HEMK1: variants seen among roughly 807,000 people sequenced by gnomAD.
HEMK1 encodes the protein HemK methyltransferase 1, mitochondrial release factors N(5)-glutamine.
Under a neutral mutation model 47.9 loss-of-function variants are expected in HEMK1, and 36 were observed. The observed-to-expected ratio is 0.75, with a 90% CI of 0.58 to 0.99. The LOEUF (loss-of-function observed/expected upper bound fraction) is 0.99, where lower values mean the gene tolerates loss of function less well. Ranked by LOEUF, HEMK1 falls within the 50% of genes least tolerant of loss-of-function variation. HEMK1 has a pLI of 0.00. For missense variants in HEMK1, 383 were observed against 434.5 expected, an observed-to-expected ratio of 0.88 and a Z score of 1.05; for synonymous variants, 153 against 165.4, an observed-to-expected ratio of 0.93 and a Z score of 0.57.
At position 50,577,496 on chromosome 3, in the gene HEMK1, G is replaced by T. The variant is rs1330722090; in HGVS notation, c.550-13G>T. 2 of 1,613,746 alleles carry T rather than the reference G, an allele frequency of 1.2e-6. No individual in the cohort carries two copies. The highest frequency in any genetic ancestry group is 1.1e-5 in the South Asian group (1 of 91,088). On this transcript the variant is annotated splice_polypyrimidine_tract_variant and intron_variant, in intron 5 of 10. Coordinates refer to ENST00000232854, the MANE Select transcript of HEMK1 (RefSeq NM_016173.5). Reference sequence around the variant, plus strand: ...ATTGCCTTCCACATATCCTCTGTTTGTTCTTGGGACAGAGCCGAGTCATTG... The same window carrying T: ...ATTGCCTTCCACATATCCTCTGTTTTTTCTTGGGACAGAGCCGAGTCATTG...
At chr3:50,572,281 T>A in intron 4 of HEMK1, 73 bp downstream of exon 4, 1 of 1,546,706 alleles carries the variant, frequency 6.5e-7, no homozygotes. Flanking sequence ...ACCCCAGGCT[T>A]CCTCCAGGGG....
chr3:50,572,157 G>A lies in HEMK1; in HGVS notation c.363G>A (p.Gly121=), dbSNP rs1314740474. ...QYILGEWDFQ[G]LSLRMVPPVF... ...TCCTTGGAGAGTGGGACTTCCAGGGGCTCAGCCTAAGGATGGTGCCCCCAG... is the reference window on the plus strand; with the variant it reads ...TCCTTGGAGAGTGGGACTTCCAGGGACTCAGCCTAAGGATGGTGCCCCCAG... The change falls in exon 4 of 11, where the codon GGG becomes GGA. Residue 121 remains glycine (G), a synonymous_variant. Transcript: ENST00000232854. 2.5e-6 allele frequency: 4 copies of A among 1,613,976 alleles called. No homozygotes were observed. In the South Asian group the frequency reaches 4.4e-5, roughly 18 times the overall value.
intron 2 of HEMK1, 176 bp from the exon 3 acceptor site, chr3:50,571,534 C>T (rs1454455753): frequency 1.6e-5 from 11 of 706,316 alleles, no homozygotes; most frequent in Non-Finnish European, 2.7e-5. Flanking sequence ...GGGATAGACA[C>T]CTGGAAGCCT....
intron 4 of HEMK1, among the ~76,000 whole-genome samples, chr3:50,576,679 G>C (rs557318985): frequency 7.9e-5 from 12 of 152,326 alleles, no homozygotes; most frequent in African/African-American, 2.2e-4. Flanking sequence ...AAAGTGTTGG[G>C]ATTACAGGCA....
rs2031739435 is a variant in HEMK1 at position 50,591,783 on chromosome 3, A to G, written c.*11366A>G. 6.6e-6 allele frequency: 1 copy of G among 152,030 alleles called. No individual in the cohort carries two copies. The highest frequency in any genetic ancestry group is 1.5e-5 in the Non-Finnish European group (1 of 68,098). 9.4% of individuals were successfully genotyped at this position (152,030 alleles called of 1,614,324 possible). ...GCGCAGAGCCCATGTAAGCTCAAACACTGCCCCATGTCATAGAAAAGAGGG... is the reference window on the plus strand; with the variant it reads ...GCGCAGAGCCCATGTAAGCTCAAACGCTGCCCCATGTCATAGAAAAGAGGG... On this transcript the variant is annotated 3_prime_UTR_variant, in exon 11 of 11. Coordinates refer to ENST00000232854, the MANE Select transcript of HEMK1 (RefSeq NM_016173.5).
At position 50,591,987 on chromosome 3, in the gene HEMK1, G is replaced by C. The variant is rs2031748771; in HGVS notation, c.*11570G>C. 6.6e-6 allele frequency: 1 copy of C among 151,166 alleles called. No individual in the cohort carries two copies. Among genetic ancestry groups the C allele is most frequent in the Non-Finnish European group, 1.5e-5 (1 of 67,796 alleles). The allele number at this position is 151,166 out of a possible 1,614,324, so 9.4% of individuals were successfully genotyped here. On this transcript the variant is annotated 3_prime_UTR_variant, in exon 11 of 11. Coordinates refer to ENST00000232854, the MANE Select transcript of HEMK1 (RefSeq NM_016173.5). ...GTAGTGGCGGGTGCCTATAATCCCAGCTACTCAGGAGGCTGAGGCAGGAGA... is the reference window on the plus strand; with the variant it reads ...GTAGTGGCGGGTGCCTATAATCCCACCTACTCAGGAGGCTGAGGCAGGAGA...
chr3:50,572,288 G>C (rs935041525), intron 4 of HEMK1, 80 bp downstream of exon 4: 1 of 1,521,976 alleles, frequency 6.6e-7, no homozygotes, highest in Non-Finnish European at 8.9e-7. Context: ...GCTTCCTCCA[G>C]GGGGCACTGG....
intron 6 of HEMK1, 80 bp from the exon 7 acceptor site, chr3:50,577,746 G>A: frequency 2.7e-6 from 4 of 1,495,176 alleles, no homozygotes; most frequent in Non-Finnish European, 3.7e-6. Flanking sequence ...GTCCAAGAAG[G>A]GTTGACTATA....
chr3:50,575,347 T>G (rs1239249200), intron 4 of HEMK1, among the ~76,000 whole-genome samples: 2 of 151,454 alleles, frequency 1.3e-5, no homozygotes, highest in Non-Finnish European at 2.9e-5. Flanking sequence ...CGCTTGAACT[T>G]GGGAGGCGGA....
chr3:50,590,233 GAAAGA>G lies in HEMK1; in HGVS notation c.*9821_*9825del, dbSNP rs1575972960. ...AATTTTAAAAAAATGTTTTAAAAATGAAAGAAAAGGAAGAAGGGAGGAGGAAGCCA... is the reference window on the plus strand; with the variant it reads ...AATTTTAAAAAAATGTTTTAAAAATGAAAGGAAGAAGGGAGGAGGAAGCCA... On this transcript the variant is annotated 3_prime_UTR_variant, in exon 11 of 11. Coordinates refer to ENST00000232854, the MANE Select transcript of HEMK1 (RefSeq NM_016173.5). The G allele has an allele frequency of 6.6e-6, 1 of 151,828 alleles. No homozygotes were observed. Among genetic ancestry groups the G allele is most frequent in the East Asian group, 1.9e-4 (1 of 5,158 alleles). The allele number at this position is 151,828 out of a possible 1,614,324, so 9.4% of individuals were successfully genotyped here.
In HEMK1 at chr3:50,589,771, C is replaced by T. The variant is rs1158540881; in HGVS notation, c.*9354C>T. On this transcript the variant is annotated 3_prime_UTR_variant, in exon 11 of 11. Transcript: ENST00000232854. ...AATTAGCCGGGTGTGGTGGCTCACG[C>T]CTGTAATCCCAGCTACTTGAGAGGC... is the stretch of plus-strand genomic sequence containing the variant. 1 of 152,232 alleles carries T rather than the reference C, an allele frequency of 6.6e-6. No individual in the cohort carries two copies. Among genetic ancestry groups the T allele is most frequent in the African/African-American group, 2.4e-5 (1 of 41,440 alleles). The allele number at this position is 152,232 out of a possible 1,614,324, so 9.4% of individuals were successfully genotyped here. A position where few individuals can be genotyped will look rare whatever the true frequency, so the allele number is the denominator to read the frequency against.
chr3:50,589,908 A>G lies in HEMK1; in HGVS notation c.*9491A>G, dbSNP rs4688709. The G allele has an allele frequency of 0.036, 5,522 of 151,942 alleles. 730 individuals carry two copies. The highest frequency in any genetic ancestry group is 0.33 in the East Asian group (1,708 of 5,150). 9.4% of individuals were successfully genotyped at this position (151,942 alleles called of 1,614,324 possible). On this transcript the variant is annotated 3_prime_UTR_variant, in exon 11 of 11. Coordinates refer to ENST00000232854, the MANE Select transcript of HEMK1 (RefSeq NM_016173.5). ...GCAAAACTCTGTCTCAAAAATAATA[A>G]TAATAGGCCAGGCGCAGTAGCTCAC...
intron 4 of HEMK1, among the ~76,000 whole-genome samples, chr3:50,575,301 A>G (rs1701453930): frequency 1.3e-5 from 2 of 152,164 alleles, no homozygotes; most frequent in African/African-American, 4.8e-5. Context: ...GCATGCCTGT[A>G]ATCCCAGCTA....
In HEMK1 at chr3:50,582,332, C is replaced by CACA. The variant is rs1194233712; in HGVS notation, c.*1915_*1916insACA. ...GCCCAGAAAAATGTGCAGCTTGACT[C>CACA]TGCTGAGGAAAAGGTCCAAGCCAAG... On this transcript the variant is annotated 3_prime_UTR_variant, in exon 11 of 11. Transcript: ENST00000232854. 3.9e-5 allele frequency: 6 copies of CACA among 152,198 alleles called. No individual in the cohort carries two copies. In the East Asian group the frequency reaches 1.2e-3, roughly 29 times the overall value. The allele number at this position is 152,198 out of a possible 1,614,324, so 9.4% of individuals were successfully genotyped here.
At chr3:50,572,303 C>A (rs1265037926) in intron 4 of HEMK1, 95 bp downstream of exon 4, 3 of 1,399,622 alleles carry the variant, frequency 2.1e-6, no homozygotes, top group East Asian at 2.5e-5. Context: ...CACTGGGGCC[C>A]CATGACTTCA....
At position 50,585,634 on chromosome 3, in the gene HEMK1, T is replaced by C. The variant is rs1287510193; in HGVS notation, c.*5217T>C. ...ACTGGGAGGCCAGACATGGGCCTCATGCTGGGTTTCAGAGCTGAGAAGCTG... is the reference window on the plus strand; with the variant it reads ...ACTGGGAGGCCAGACATGGGCCTCACGCTGGGTTTCAGAGCTGAGAAGCTG... On this transcript the variant is annotated 3_prime_UTR_variant, in exon 11 of 11. Transcript: ENST00000232854. The C allele has an allele frequency of 6.6e-6, 1 of 152,210 alleles. No homozygotes were observed. The highest frequency in any genetic ancestry group is 2.4e-5 in the African/African-American group (1 of 41,450). 9.4% of individuals were successfully genotyped at this position (152,210 alleles called of 1,614,324 possible). A position where few individuals can be genotyped will look rare whatever the true frequency, so the allele number is the denominator to read the frequency against.
At chr3:50,575,850 C>T (rs547232185) in intron 4 of HEMK1, among the ~76,000 whole-genome samples, 4 of 152,342 alleles carry the variant, frequency 2.6e-5, no homozygotes, top group Admixed American at 6.5e-5. Flanking sequence ...TGTCCCACTC[C>T]ACTGCTGGTT....
In HEMK1 at chr3:50,581,671, G is replaced by A. The variant is rs1559465094; in HGVS notation, c.*1254G>A. On this transcript the variant is annotated 3_prime_UTR_variant, in exon 11 of 11. Transcript: ENST00000232854. The stretch of plus-strand genomic sequence containing the variant: ...CATTCGCCAGGCATGGAGAGCAAGA[G>A]AAGGTATGTACTGCCTGAGGTCACA... 1 of 152,290 alleles carries A rather than the reference G, an allele frequency of 6.6e-6. No homozygotes were observed. The highest frequency in any genetic ancestry group is 1.5e-5 in the Non-Finnish European group (1 of 68,064). 9.4% of individuals were successfully genotyped at this position (152,290 alleles called of 1,614,324 possible).
In HEMK1 at chr3:50,577,072, G is replaced by A; in HGVS notation, c.435G>A (p.Leu145=). 1 of 1,613,982 alleles carries A rather than the reference G, an allele frequency of 6.2e-7. No individual in the cohort carries two copies. Among genetic ancestry groups the A allele is most frequent in the Non-Finnish European group, 8.5e-7 (1 of 1,179,964 alleles). The change falls in exon 5 of 11, where the codon CTG becomes CTA. Residue 145 remains leucine, a synonymous_variant. Coordinates refer to ENST00000232854, the MANE Select transcript of HEMK1 (RefSeq NM_016173.5). ...PETEELVEWV[L]EEVAQRSHAV... ...CACAGGAACTGGTTGAGTGGGTGCT[G>A]GAAGAGGTGGCCCAGAGGTCCCATG...
Sources: gnomAD v4.1 joint callset for allele counts (sites outside exome capture counted in the v4.1 genomes callset) on GRCh38, gnomAD v4.1.1 for gene constraint, MANE v1.5 for transcripts, NCBI Gene and HGNC (gene_info 2026-07-23, HGNC 2026-07-21) for gene names.